Variants in CFAP20DC observed in about 807,000 individuals in gnomAD.
CFAP20DC encodes the protein CFAP20 domain containing.
A neutral mutation model predicts 101.7 loss-of-function variants in CFAP20DC; 84 were observed. The observed-to-expected ratio is 0.83, with a 90% CI of 0.69 to 0.99. CFAP20DC has a LOEUF of 0.99. Ranked by LOEUF, CFAP20DC falls within the 50% of genes least tolerant of loss-of-function variation. The pLI is 0.00. For missense variants in CFAP20DC, 1,007 were observed against 970.3 expected, an observed-to-expected ratio of 1.04 and a Z score of -0.50; for synonymous variants, 359 against 351.2, an observed-to-expected ratio of 1.02 and a Z score of -0.25.
chr3:58,852,651 AATCAAACTAGAACTCAGG>A (rs1252311233), intron 12 of CFAP20DC, among the ~76,000 whole-genome samples: 35 of 150,348 alleles, frequency 2.3e-4, no homozygotes, highest in African/African-American at 8.0e-4. Flanking sequence ...ACCACAGTGC[AATCAAACTAGAACTCAGG>A]ATTAAGAATC....
chr3:58,853,512 C>T (rs1375300592), intron 12 of CFAP20DC, among the ~76,000 whole-genome samples: 2 of 152,004 alleles, frequency 1.3e-5, no homozygotes, highest in Non-Finnish European at 2.9e-5. Flanking sequence ...GATACCAAAG[C>T]TGGGCAGAGA....
At chr3:58,951,772 G>A (rs1576458653) in intron 4 of CFAP20DC, among the ~76,000 whole-genome samples, 1 of 152,096 alleles carries the variant, frequency 6.6e-6, no homozygotes, top group Non-Finnish European at 1.5e-5. Context: ...TGGGGGGAGA[G>A]GGGAGGGATA....
chr3:58,779,483 C>T (rs1165830540), intron 15 of CFAP20DC, among the ~76,000 whole-genome samples: 1 of 151,958 alleles, frequency 6.6e-6, no homozygotes, highest in African/African-American at 2.4e-5. Flanking sequence ...TATCTGTGCA[C>T]CCAACATCAG....
In CFAP20DC at chr3:58,956,081, A is replaced by G. The variant is rs561701658; in HGVS notation, c.279-18319T>C. Among the ~76,000 whole-genome samples the G allele has an allele frequency of 3.3e-5, 5 of 151,702 alleles. No homozygotes were observed. The South Asian group carries it at 1.0e-3, about 32-fold the overall frequency. On this transcript the variant is annotated intron_variant, in intron 4 of 16. Transcript: ENST00000482387. ...TGAGGGCCTAAGACTTGCTGACTTCACATGAGAGTCAGTATATTCCCAGTT... is the reference window on the plus strand; with the variant it reads ...TGAGGGCCTAAGACTTGCTGACTTCGCATGAGAGTCAGTATATTCCCAGTT...
At chr3:58,811,055 G>A (rs906096818) in intron 14 of CFAP20DC, among the ~76,000 whole-genome samples, 4 of 152,004 alleles carry the variant, frequency 2.6e-5, no homozygotes, top group African/African-American at 9.7e-5. Flanking sequence ...AAATAAAAGA[G>A]GACACAAACA....
chr3:59,003,061 G>A (rs2093350842), intron 4 of CFAP20DC, among the ~76,000 whole-genome samples: 1 of 152,004 alleles, frequency 6.6e-6, no homozygotes, highest in African/African-American at 2.4e-5. Flanking sequence ...CAGAGGGGGA[G>A]AAATATACTG....
At chr3:58,872,221 G>A (rs960523061) in intron 7 of CFAP20DC, among the ~76,000 whole-genome samples, 2 of 152,086 alleles carry the variant, frequency 1.3e-5, no homozygotes. Flanking sequence ...GTCCACATTT[G>A]CCCACCAGTC....
chr3:58,855,493 AC>A (rs1293043389), intron 12 of CFAP20DC, among the ~76,000 whole-genome samples: 1 of 152,138 alleles, frequency 6.6e-6, no homozygotes, highest in Non-Finnish European at 1.5e-5. Flanking sequence ...CTGGGTATAT[AC>A]CCAAAGGACT....
rs1174069286 is a variant in CFAP20DC at position 58,795,173 on chromosome 3, T to G, written c.2237+11222A>C. ...ACTCTTGAGGGGGAAGCTGAATCTT[T>G]TAATTAAAAGCTGAAACTATAAAAC... On this transcript the variant is annotated intron_variant, in intron 15 of 16. Transcript: ENST00000482387. This position sits in a 1 kb window ranked among gnomAD's most constrained non-coding sequence, Gnocchi z 4.2. Among the ~76,000 whole-genome samples the G allele has an allele frequency of 6.6e-6, 1 of 152,204 alleles. No individual in the cohort carries two copies. Among genetic ancestry groups the G allele is most frequent in the Non-Finnish European group, 1.5e-5 (1 of 68,034 alleles).
Position 58,863,374 on chromosome 3 carries a change from A to G in CFAP20DC, c.1593+184T>C. On this transcript the variant is annotated intron_variant, in intron 12 of 16. Transcript: ENST00000482387. This position sits in a 1 kb window ranked among gnomAD's most constrained non-coding sequence, Gnocchi z 5.9. ...TGAAATTGGCTGACTGTTAATTAAA[A>G]AAAAAAAAAGACAGTTTAAAGTTAC... 7.2e-7 allele frequency: 1 copy of G among 1,394,036 alleles called. No individual in the cohort carries two copies. The highest frequency in any genetic ancestry group is 1.8e-5 in the South Asian group (1 of 55,334). The allele number at this position is 1,394,036 out of a possible 1,614,324, so 86.4% of individuals were successfully genotyped here.
chr3:58,790,575 G>C (rs916650730), intron 15 of CFAP20DC, among the ~76,000 whole-genome samples: 1 of 152,160 alleles, frequency 6.6e-6, no homozygotes, highest in Non-Finnish European at 1.5e-5. Context: ...ATCCATGGAG[G>C]CTACTTAGAA....
chr3:58,930,904 G>T (rs1373241548), intron 5 of CFAP20DC, among the ~76,000 whole-genome samples: 1 of 152,162 alleles, frequency 6.6e-6, no homozygotes. Context: ...ACTAGGGAGT[G>T]TCAGACAGTG....
At chr3:59,032,890 T>C (rs1183707778) in intron 4 of CFAP20DC, among the ~76,000 whole-genome samples, 1 of 152,052 alleles carries the variant, frequency 6.6e-6, no homozygotes. Context: ...CTGACTCCCA[T>C]ACCTCCTGAC....
chr3:58,906,886 G>A (rs538123922), intron 6 of CFAP20DC, among the ~76,000 whole-genome samples: 14 of 152,216 alleles, frequency 9.2e-5, no homozygotes, highest in African/African-American at 1.9e-4. Context: ...CTGTGATCAC[G>A]CCACTGCACT....
chr3:58,857,966 A>G (rs903212977), intron 12 of CFAP20DC, among the ~76,000 whole-genome samples: 3 of 152,168 alleles, frequency 2.0e-5, no homozygotes, highest in African/African-American at 7.2e-5. Flanking sequence ...TTTTTTCTAT[A>G]TAACATATAA....
intron 4 of CFAP20DC, among the ~76,000 whole-genome samples, chr3:58,983,597 T>G (rs1402869213): frequency 6.6e-6 from 1 of 152,154 alleles, no homozygotes; most frequent in African/African-American, 2.4e-5. Context: ...ATTTGCTTAT[T>G]GGAAATAGGG....
chr3:59,047,996 C>G (rs1699997638), intron 1 of CFAP20DC, among the ~76,000 whole-genome samples: 1 of 152,128 alleles, frequency 6.6e-6, no homozygotes, highest in African/African-American at 2.4e-5. Flanking sequence ...TCTATAAAAT[C>G]TGTATAAGAG....
At chr3:59,021,054 T>A (rs547268668) in intron 4 of CFAP20DC, among the ~76,000 whole-genome samples, 2 of 152,114 alleles carry the variant, frequency 1.3e-5, no homozygotes, top group South Asian at 2.1e-4. Flanking sequence ...GAGGATCCAG[T>A]AGAGGACTCT....
chr3:58,973,978 A>G (rs2092113649), intron 4 of CFAP20DC, among the ~76,000 whole-genome samples: 1 of 152,150 alleles, frequency 6.6e-6, no homozygotes, highest in Non-Finnish European at 1.5e-5. Flanking sequence ...TGAGGAAATC[A>G]AAAGCCTGAG....
Sources: allele counts gnomAD v4.1 joint callset (sites outside exome capture counted in the v4.1 genomes callset), GRCh38; gene constraint gnomAD v4.1.1; non-coding constraint Gnocchi (gnomAD v3.1); transcripts MANE v1.5; gene names NCBI Gene and HGNC (gene_info 2026-07-23, HGNC 2026-07-21).